LRRC37A2: variants seen among roughly 807,000 people sequenced by gnomAD.
The protein encoded by LRRC37A2 is leucine rich repeat containing 37 member A2.
LRRC37A2 carries 9 observed loss-of-function variants against 68.8 expected under a neutral mutation model. The ratio of observed to expected loss-of-function variants is 0.13; its 90% CI spans 0.08 to 0.23. The LOEUF is 0.23. Among genes scored for constraint, LRRC37A2 ranks in the 10% least tolerant of loss-of-function variants. LRRC37A2 has a pLI of 1.00. For synonymous variants in LRRC37A2, 63 were observed against 367.6 expected (o/e 0.17, Z 9.48); for missense variants, 168 against 950.4 (o/e 0.18, Z 10.82).
chr17:46,945,771 A>G, the LRRC37A2 span, among the ~76,000 whole-genome samples: 2 of 152,042 alleles, frequency 1.3e-5, no homozygotes, highest in Non-Finnish European at 2.9e-5. Context: ...AAGCTCAGGG[A>G]GTGGGGACCT....
the LRRC37A2 span, among the ~76,000 whole-genome samples, chr17:46,984,960 G>T: frequency 6.6e-6 from 1 of 152,116 alleles, no homozygotes; most frequent in East Asian, 1.9e-4. Flanking sequence ...TTCTGAAGTG[G>T]TTTTAAACAA....
chr17:46,783,541 C>T, the LRRC37A2 span, among the ~76,000 whole-genome samples: 4 of 152,350 alleles, frequency 2.6e-5, no homozygotes, highest in East Asian at 7.7e-4. Context: ...TGAGCACCTA[C>T]TAGGTCTGGG....
chr17:46,789,351 T>C, the LRRC37A2 span, among the ~76,000 whole-genome samples: 4 of 152,336 alleles, frequency 2.6e-5, no homozygotes, highest in African/African-American at 9.6e-5. Context: ...GGATGCAGGC[T>C]ATACACTACG....
chr17:46,994,406 G>A, the LRRC37A2 span, among the ~76,000 whole-genome samples: 1 of 151,844 alleles, frequency 6.6e-6, no homozygotes, highest in East Asian at 1.9e-4. Flanking sequence ...AAAAATGCTG[G>A]TGGGGGTTGG....
At chr17:46,986,717 T>G in the LRRC37A2 span, among the ~76,000 whole-genome samples, 1 of 152,242 alleles carries the variant, frequency 6.6e-6, no homozygotes, top group Non-Finnish European at 1.5e-5. Flanking sequence ...AAACCAGTGC[T>G]GCTTATGGTC....
At chr17:46,947,653 G>C in the LRRC37A2 span, among the ~76,000 whole-genome samples, 295 of 152,296 alleles carry the variant, frequency 1.9e-3, 2 homozygotes, top group Middle Eastern at 6.8e-3. Context: ...TTAGCAGCCT[G>C]ACCTTGGGCT....
At chr17:46,868,324 G>A in the LRRC37A2 span, among the ~76,000 whole-genome samples, 4 of 152,242 alleles carry the variant, frequency 2.6e-5, no homozygotes, top group Admixed American at 6.5e-5. Flanking sequence ...GGGCGTGGTG[G>A]CTCATGCCTG....
chr17:46,496,576 C>A, the LRRC37A2 span, among the ~76,000 whole-genome samples: 2 of 142,618 alleles, frequency 1.4e-5, no homozygotes, highest in African/African-American at 5.6e-5. Flanking sequence ...GCACCCCAGC[C>A]TGGGAAGCAG....
chr17:46,782,219 G>T, the LRRC37A2 span, among the ~76,000 whole-genome samples: 1 of 152,334 alleles, frequency 6.6e-6, no homozygotes, highest in Non-Finnish European at 1.5e-5. Context: ...CAGCCTCAAA[G>T]GGAAGGCATC....
the LRRC37A2 span, among the ~76,000 whole-genome samples, chr17:47,003,989 C>T: frequency 2.0e-5 from 3 of 152,192 alleles, no homozygotes; most frequent in South Asian, 2.1e-4. Context: ...TTTGTTCTTA[C>T]GATAGTTTGC....
the LRRC37A2 span, among the ~76,000 whole-genome samples, chr17:46,889,131 C>T: frequency 7.2e-5 from 11 of 152,078 alleles, no homozygotes; most frequent in African/African-American, 2.4e-4. Context: ...AACCTTTATT[C>T]GTATCCTAGA....
At chr17:46,530,667 A>T (rs1056478936) in intron 6 of LRRC37A2, among the ~76,000 whole-genome samples, 1 of 70,050 alleles carries the variant, frequency 1.4e-5, no homozygotes, top group African/African-American at 5.5e-5. Context: ...ACGCAGTATT[A>T]TAAAGTGTAC....
chr17:46,900,162 C>CATACATATAT, the LRRC37A2 span, among the ~76,000 whole-genome samples: 2 of 101,154 alleles, frequency 2.0e-5, no homozygotes, highest in Non-Finnish European at 1.8e-5. Context: ...TATATATATA[C>CATACATATAT]ATATACATAT....
chr17:46,851,497 C>CT, the LRRC37A2 span: 1 of 377,394 alleles, frequency 2.6e-6, no homozygotes, highest in Non-Finnish European at 4.5e-6. The surrounding 1 kb of genome is among the most constrained non-coding windows in gnomAD (Gnocchi z 4.3). Context: ...CCGCCCGGGG[C>CT]TGGGGAGCCT....
the LRRC37A2 span, chr17:46,936,763 T>C: frequency 1.0e-6 from 1 of 982,978 alleles, no homozygotes; most frequent in East Asian, 1.1e-4. Flanking sequence ...AGTCTGATTG[T>C]ATTGTCACTA....
chr17:47,001,502 G>T, the LRRC37A2 span, among the ~76,000 whole-genome samples: 1 of 152,118 alleles, frequency 6.6e-6, no homozygotes, highest in South Asian at 2.1e-4. Flanking sequence ...ATTTATTGAG[G>T]TATTGACATA....
At chr17:46,818,683 G>T in the LRRC37A2 span, 2 of 1,289,820 alleles carry the variant, frequency 1.6e-6, no homozygotes, top group Non-Finnish European at 1.1e-6. Context: ...GTCCACTTGA[G>T]ATTGGAAATG....
the LRRC37A2 span, chr17:46,770,188 G>T: frequency 8.3e-7 from 1 of 1,199,564 alleles, no homozygotes; most frequent in Non-Finnish European, 1.1e-6. Flanking sequence ...CAAGAGGGAG[G>T]CAGCTTCCCC....
the LRRC37A2 span, among the ~76,000 whole-genome samples, chr17:46,852,389 A>AGTGTGTGTGTGT: frequency 2.0e-4 from 21 of 105,376 alleles, no homozygotes; most frequent in Middle Eastern, 4.9e-3. Flanking sequence ...GAGAGGGCCC[A>AGTGTGTGTGTGT]GTGTGTGTGT....
Sources: gnomAD v4.1 joint callset for allele counts (sites outside exome capture counted in the v4.1 genomes callset) on GRCh38, gnomAD v4.1.1 for gene constraint, Gnocchi (gnomAD v3.1) non-coding constraint, MANE v1.5 for transcripts, NCBI Gene and HGNC (gene_info 2026-07-23, HGNC 2026-07-21) for gene names.